Variants in UBN2 observed in about 807,000 individuals in gnomAD.
UBN2 encodes the protein ubinuclein-2.
Under a neutral mutation model 120.2 loss-of-function variants are expected in UBN2, and 35 were observed. The ratio of observed to expected loss-of-function variants is 0.29; its 90% confidence interval spans 0.22 to 0.39. UBN2 has a LOEUF of 0.39. UBN2 is among the 10% of genes least tolerant of loss of function. The probability of loss-of-function intolerance (pLI) is 1.00; values close to 1 mark genes in which losing one functional copy is unlikely to be tolerated. For missense variants in UBN2, 1,693 were observed against 1,663.2 expected, an observed-to-expected ratio of 1.02 and a Z score of -0.31; for synonymous variants, 661 against 648.7, an observed-to-expected ratio of 1.02 and a Z score of -0.29.
chr7:139,318,823 A>G, the UBN2 span, among the ~76,000 whole-genome samples: 5 of 152,110 alleles, frequency 3.3e-5, no homozygotes, highest in African/African-American at 1.2e-4. Context: ...TGGGCCTCGA[A>G]GTTAGGATGG....
At chr7:139,261,831 C>A in intron 6 of UBN2, 90 bp downstream of exon 6, 1 of 1,312,260 alleles carries the variant, frequency 7.6e-7, no homozygotes, top group Non-Finnish European at 1.0e-6. Context: ...CCACATAACA[C>A]TGGTATAATT....
At chr7:139,319,872 G>A in the UBN2 span, among the ~76,000 whole-genome samples, 4 of 151,982 alleles carry the variant, frequency 2.6e-5, no homozygotes, top group Admixed American at 2.6e-4. Context: ...GTCAGGAGAT[G>A]GCGACCATCC....
intron 10 of UBN2, 32 bp downstream of exon 10, chr7:139,273,442 A>C: frequency 7.1e-7 from 1 of 1,400,482 alleles, no homozygotes; most frequent in Admixed American, 2.2e-5. Flanking sequence ...CTTTTAATAT[A>C]TAATGCAGAA....
intron 15 of UBN2, among the ~76,000 whole-genome samples, chr7:139,287,829 A>G (rs565327239): frequency 1.4e-3 from 212 of 151,692 alleles, no homozygotes; most frequent in African/African-American, 5.0e-3. Flanking sequence ...GAACCTGTCT[A>G]TAGCTCTCCA....
rs190049924 is a variant in UBN2 at position 139,302,166 on chromosome 7, A to T, written c.*4330A>T. 13 of 152,276 alleles carry T rather than the reference A, an allele frequency of 8.5e-5. No homozygotes were observed. Among genetic ancestry groups the T allele is most frequent in the African/African-American group, 3.1e-4 (13 of 41,542 alleles). The allele number at this position is 152,276 out of a possible 1,614,324, so 9.4% of individuals were successfully genotyped here. ...TACAGACTGATAAGTCAGGGGATTC[A>T]GGAGGAAGAATCTCACACTTGTCAA... is the stretch of plus-strand genomic sequence containing the variant. On this transcript the variant is annotated 3_prime_UTR_variant, in exon 18 of 18. Transcript: ENST00000473989.
intron 8 of UBN2, among the ~76,000 whole-genome samples, chr7:139,270,508 A>G (rs1321345127): frequency 6.6e-6 from 1 of 151,996 alleles, no homozygotes; most frequent in African/African-American, 2.4e-5. Flanking sequence ...ACCTCAGGTG[A>G]TCCGCCCAGC....
intron 13 of UBN2, among the ~76,000 whole-genome samples, chr7:139,281,564 A>G (rs1797612086): frequency 1.3e-5 from 2 of 152,170 alleles, no homozygotes; most frequent in South Asian, 4.1e-4. Context: ...TTAGTCTTTT[A>G]TATAAATGGG....
chr7:139,235,014 C>T (rs1364251848), intron 1 of UBN2, among the ~76,000 whole-genome samples: 1 of 151,920 alleles, frequency 6.6e-6, no homozygotes, highest in Non-Finnish European at 1.5e-5. Flanking sequence ...TTATTCTTAA[C>T]TGTGAAAGAA....
At chr7:139,320,869 A>C in the UBN2 span, among the ~76,000 whole-genome samples, 9 of 151,982 alleles carry the variant, frequency 5.9e-5, no homozygotes, top group African/African-American at 2.2e-4. Flanking sequence ...AAAAAAAAAA[A>C]CAAACCATTC....
chr7:139,267,402 A>G (rs1402039410), intron 7 of UBN2, among the ~76,000 whole-genome samples: 2 of 151,994 alleles, frequency 1.3e-5, no homozygotes, highest in African/African-American at 4.8e-5. Context: ...CAGGTGTGGT[A>G]GTGCACACCT....
the UBN2 span, among the ~76,000 whole-genome samples, chr7:139,316,921 C>T: frequency 6.7e-5 from 10 of 148,868 alleles, no homozygotes; most frequent in African/African-American, 2.5e-4. Context: ...TTTTGGTCTT[C>T]GATGTTCCTA....
downstream of UBN2, among the ~76,000 whole-genome samples, chr7:139,309,827 C>T (rs1035282572): frequency 4.6e-5 from 7 of 151,548 alleles, no homozygotes; most frequent in East Asian, 7.9e-4. Flanking sequence ...GCCAAGATCG[C>T]GCCACTGCAC....
chr7:139,241,408 A>G (rs1433468992), intron 2 of UBN2, among the ~76,000 whole-genome samples: 1 of 152,226 alleles, frequency 6.6e-6, no homozygotes, highest in Non-Finnish European at 1.5e-5. Flanking sequence ...CCAGGCATTT[A>G]TTAATAATCA....
rs772471185 is a variant in UBN2 at position 139,261,402 on chromosome 7, C to G, written c.1056C>G (p.Thr352=). 1.3e-5 allele frequency: 21 copies of G among 1,614,018 alleles called. No homozygotes were observed. ...SNPKVPVTLS[T]PSLNKPPCAA... Reference sequence around the variant, plus strand: ...CCAAAGTCCCAGTGACCTTGTCAACCCCTTCTCTGAATAAACCCCCATGTG... The same window carrying G: ...CCAAAGTCCCAGTGACCTTGTCAACGCCTTCTCTGAATAAACCCCCATGTG... The change falls in exon 6 of 18, where the codon ACC becomes ACG. Residue 352 remains threonine (T), a synonymous_variant. Coordinates refer to ENST00000473989, the MANE Select transcript of UBN2 (RefSeq NM_173569.4).
chr7:139,239,133 A>T (rs1796242291), intron 2 of UBN2, among the ~76,000 whole-genome samples: 1 of 152,152 alleles, frequency 6.6e-6, no homozygotes, highest in South Asian at 2.1e-4. Flanking sequence ...GGTACTAGAG[A>T]TACATCTCTA....
intron 17 of UBN2, 85 bp downstream of exon 17, chr7:139,294,066 G>T: frequency 7.1e-7 from 1 of 1,407,340 alleles, no homozygotes; most frequent in Admixed American, 1.9e-5. Context: ...AATGTGAATG[G>T]AATGACAAAG....
chr7:139,305,881 C>T lies in UBN2; in HGVS notation c.*8045C>T, dbSNP rs998955967. On this transcript the variant is annotated 3_prime_UTR_variant, in exon 18 of 18. Coordinates refer to ENST00000473989, the MANE Select transcript of UBN2 (RefSeq NM_173569.4). Reference sequence around the variant, plus strand: ...TGGAGATCTTCATTAGAGGCTATTTCTCATAATAGTCTGCCTTGCTTATTT... The same window carrying T: ...TGGAGATCTTCATTAGAGGCTATTTTTCATAATAGTCTGCCTTGCTTATTT... The T allele has an allele frequency of 6.6e-6, 1 of 152,138 alleles. No homozygotes were observed. The highest frequency in any genetic ancestry group is 2.4e-5 in the African/African-American group (1 of 41,428). The allele number at this position is 152,138 out of a possible 1,614,324, so 9.4% of individuals were successfully genotyped here.
intron 1 of UBN2, among the ~76,000 whole-genome samples, chr7:139,236,115 T>C (rs1796156080): frequency 1.3e-5 from 2 of 152,340 alleles, no homozygotes; most frequent in South Asian, 2.1e-4. Context: ...ACCATATATA[T>C]GTTTGTATAC....
intron 7 of UBN2, 118 bp from the exon 8 acceptor site, chr7:139,269,276 T>C (rs1012989933): frequency 1.0e-6 from 1 of 972,828 alleles, no homozygotes; most frequent in Non-Finnish European, 1.5e-6. Context: ...TGAAGAATAC[T>C]GTTTAGGAAA....
Sources: allele counts gnomAD v4.1 joint callset (sites outside exome capture counted in the v4.1 genomes callset), GRCh38; gene constraint gnomAD v4.1.1; transcripts MANE v1.5; gene names NCBI Gene and HGNC (gene_info 2026-07-23, HGNC 2026-07-21).